Variants in CCDC180 observed in about 807,000 individuals in gnomAD.
CCDC180 encodes coiled-coil domain containing 180.
CCDC180 carries 154 observed loss-of-function variants against 209.2 expected under a neutral mutation model. That is an observed-to-expected ratio of 0.74 (90% CI 0.65 to 0.84). The LOEUF is 0.84. CCDC180 is among the 40% of genes least tolerant of loss of function. The probability of loss-of-function intolerance (pLI) is 0.00; values close to 1 mark genes in which losing one functional copy is unlikely to be tolerated. For synonymous variants in CCDC180, 778 were observed against 749.1 expected, an observed-to-expected ratio of 1.04 and a Z score of -0.63; for missense variants, 1,874 against 1,997.3, an observed-to-expected ratio of 0.94 and a Z score of 1.18.
At chr9:97,355,128 C>T (rs374820357) in intron 24 of CCDC180, 120 bp downstream of exon 24, 51 of 667,250 alleles carry the variant, frequency 7.6e-5, no homozygotes, top group Non-Finnish European at 1.3e-4. Flanking sequence ...TGCTCTCCAG[C>T]CAGGAAGACA....
chr9:97,314,000 A>G (rs1418570086), intron 5 of CCDC180, among the ~76,000 whole-genome samples: 2 of 152,144 alleles, frequency 1.3e-5, no homozygotes, highest in Admixed American at 6.5e-5. Context: ...ATACGTCCCA[A>G]CTAGATGCCA....
chr9:97,337,567 G>A (rs1825946296), intron 18 of CCDC180, among the ~76,000 whole-genome samples: 1 of 152,172 alleles, frequency 6.6e-6, no homozygotes, highest in Non-Finnish European at 1.5e-5. Context: ...CGTTTTGCCA[G>A]TATTTTATTG....
rs753382597 is a variant in CCDC180 at position 97,326,643 on chromosome 9, A to T, written c.1635A>T (p.Lys545Asn). ...TGGCGTTTCACCTGGAAAAGGTCAA[A>T]GATTATCTGAAGAACATGAAATCCA... The part of the protein sequence containing the change: ...ETLAFHLEKV[K>N]DYLKNMKSRY... Residue 545 changes from lysine to asparagine, a missense_variant, in exon 15 of 37, where the codon AAA becomes AAT. Coordinates refer to ENST00000529487, the MANE Select transcript of CCDC180 (RefSeq NM_020893.6). The T allele has an allele frequency of 6.2e-7, 1 of 1,612,190 alleles. No homozygotes were observed. The highest frequency in any genetic ancestry group is 8.5e-7 in the Non-Finnish European group (1 of 1,178,232).
chr9:97,325,861 T>C (rs7855956), intron 14 of CCDC180, among the ~76,000 whole-genome samples: 45,585 of 152,096 alleles, frequency 0.3, 7,540 homozygotes, highest in African/African-American at 0.42. Context: ...CCTAAGCTCT[T>C]GAAGTGTCAA....
At chr9:97,323,187 C>T (rs1833412943) in intron 12 of CCDC180, among the ~76,000 whole-genome samples, 1 of 152,182 alleles carries the variant, frequency 6.6e-6, no homozygotes, top group Non-Finnish European at 1.5e-5. Context: ...CCTGCCATCT[C>T]TCAGGTTTTA....
At chr9:97,343,594 G>A (rs1826155798) in intron 19 of CCDC180, 31 bp downstream of exon 19, 2 of 1,421,482 alleles carry the variant, frequency 1.4e-6, no homozygotes, top group Non-Finnish European at 9.8e-7. Flanking sequence ...TTCTCATCCT[G>A]TTGTTCTGAG....
chr9:97,330,024 C>T (rs1041406902), intron 16 of CCDC180, 130 bp from the exon 17 acceptor site: 15 of 746,398 alleles, frequency 2.0e-5, no homozygotes, highest in Admixed American at 5.1e-5. Flanking sequence ...ACCAAGACCG[C>T]GCCACTGCAC....
intron 18 of CCDC180, among the ~76,000 whole-genome samples, chr9:97,337,515 A>C (rs1488412260): frequency 6.6e-6 from 1 of 151,560 alleles, no homozygotes; most frequent in African/African-American, 2.4e-5. Context: ...GATGAAGCCA[A>C]CTTGATCTTG....
intron 13 of CCDC180, among the ~76,000 whole-genome samples, chr9:97,324,248 A>G (rs1833453526): frequency 6.6e-6 from 1 of 152,122 alleles, no homozygotes; most frequent in Non-Finnish European, 1.5e-5. Context: ...TTTTCTGTGA[A>G]GGGCCAGATG....
At chr9:97,363,461 A>G (rs924437460) in intron 28 of CCDC180, 1 of 321,658 alleles carries the variant, frequency 3.1e-6, no homozygotes, top group African/African-American at 2.1e-5. Flanking sequence ...TCTATTTTTT[A>G]TATGATCCAG....
chr9:97,323,186 T>G (rs1833412872), intron 12 of CCDC180, among the ~76,000 whole-genome samples: 1 of 152,114 alleles, frequency 6.6e-6, no homozygotes, highest in Admixed American at 6.5e-5. Flanking sequence ...CCCTGCCATC[T>G]CTCAGGTTTT....
chr9:97,339,336 C>T (rs1042030417), intron 18 of CCDC180, among the ~76,000 whole-genome samples: 5 of 152,124 alleles, frequency 3.3e-5, no homozygotes, highest in African/African-American at 1.2e-4. Context: ...TTCAGGAGCT[C>T]TTGTAAGGCA....
chr9:97,336,704 T>A (rs1294062072), intron 18 of CCDC180, among the ~76,000 whole-genome samples: 1 of 152,180 alleles, frequency 6.6e-6, no homozygotes, highest in African/African-American at 2.4e-5. Context: ...GTGAAGAAAG[T>A]CATTGGTAGC....
intron 3 of CCDC180, 136 bp from the exon 4 acceptor site, chr9:97,311,975 CTG>C: frequency 1.4e-6 from 1 of 715,746 alleles, no homozygotes; most frequent in Non-Finnish European, 2.4e-6. Context: ...TCAGGGCTCT[CTG>C]GAATTGGGGT....
intron 15 of CCDC180, among the ~76,000 whole-genome samples, chr9:97,327,703 G>A (rs181147897): frequency 1.3e-5 from 2 of 152,194 alleles, no homozygotes; most frequent in East Asian, 1.9e-4. Flanking sequence ...GGGCATTTGC[G>A]AGTTTGATGG....
chr9:97,344,835 A>G (rs1026095071), intron 19 of CCDC180, among the ~76,000 whole-genome samples: 2 of 152,190 alleles, frequency 1.3e-5, no homozygotes, highest in Admixed American at 6.5e-5. Flanking sequence ...GTTGATACCC[A>G]AAGCCCACAA....
intron 28 of CCDC180, among the ~76,000 whole-genome samples, chr9:97,363,335 T>A (rs1826821112): frequency 6.6e-6 from 1 of 152,218 alleles, no homozygotes; most frequent in African/African-American, 2.4e-5. Flanking sequence ...TCCCCAAAGA[T>A]GACAATCTCA....
At chr9:97,362,591 C>A in intron 28 of CCDC180, 150 bp downstream of exon 28, 3 of 1,185,174 alleles carry the variant, frequency 2.5e-6, no homozygotes, top group Non-Finnish European at 3.5e-6. Context: ...GAGGGGTGAG[C>A]GCCATCCTTA....
intron 11 of CCDC180, 68 bp from the exon 12 acceptor site, chr9:97,322,765 A>G: frequency 7.1e-7 from 1 of 1,404,202 alleles, no homozygotes; most frequent in African/African-American, 1.4e-5. Flanking sequence ...TCCTTTGCAA[A>G]GGGGACACTC....
Sources: allele counts gnomAD v4.1 joint callset (sites outside exome capture counted in the v4.1 genomes callset), GRCh38; gene constraint gnomAD v4.1.1; transcripts MANE v1.5; gene names NCBI Gene and HGNC (gene_info 2026-07-23, HGNC 2026-07-21).